GINS3: variants seen among roughly 807,000 people sequenced by gnomAD.
The protein encoded by GINS3 is DNA replication complex GINS protein PSF3.
GINS3 carries 18 observed loss-of-function variants against 20.0 expected under a neutral mutation model. That is an observed-to-expected ratio of 0.90 (90% CI 0.62 to 1.33). The LOEUF (loss-of-function observed/expected upper bound fraction) is 1.33. GINS3 is among the 40% of genes most tolerant of loss of function. The pLI is 0.00. For synonymous variants in GINS3, 109 were observed against 107.0 expected (o/e 1.02, Z -0.12); for missense variants, 254 against 273.6 (o/e 0.93, Z 0.51).
chr16:58,404,585 C>G lies in GINS3; in HGVS notation c.507C>G (p.Asp169Glu). The G allele has an allele frequency of 6.2e-7, 1 of 1,614,062 alleles. No homozygotes were observed. Among genetic ancestry groups the G allele is most frequent in the Non-Finnish European group, 8.5e-7 (1 of 1,179,976 alleles). ...EDTSALVARL[D>E]EMERGLFQTG... ...CTTCAGCCCTGGTAGCCAGGCTAGACGAGATGGAGAGGGGCTTATTTCAAA... is the reference window on the plus strand; with the variant it reads ...CTTCAGCCCTGGTAGCCAGGCTAGAGGAGATGGAGAGGGGCTTATTTCAAA... Residue 169 changes from aspartate to glutamate, a missense_variant, in exon 3 of 3, where the codon GAC (aspartate) becomes GAG (glutamate). Transcript: ENST00000318129.
chr16:58,404,884 G>T lies in GINS3; in HGVS notation c.*155G>T. ...ATTATAGGGAACTGGACATGCTGGA[G>T]GATGTGGGTGTCCCTGGCTCTGTGA... On this transcript the variant is annotated 3_prime_UTR_variant, in exon 3 of 3. Coordinates refer to ENST00000318129, the MANE Select transcript of GINS3 (RefSeq NM_022770.4). 1.6e-6 allele frequency: 1 copy of T among 630,096 alleles called. No homozygotes were observed. 39.0% of individuals were successfully genotyped at this position (630,096 alleles called of 1,614,324 possible).
intron 1 of GINS3, chr16:58,395,260 T>G (rs1228018475): frequency 1.6e-5 from 6 of 381,722 alleles, no homozygotes; most frequent in Non-Finnish European, 2.3e-5. Context: ...ATTTTTTTTT[T>G]GTCTAAATTT....
chr16:58,395,291 T>C (rs1965837779), intron 1 of GINS3: 1 of 311,912 alleles, frequency 3.2e-6, no homozygotes, highest in African/African-American at 2.2e-5. Flanking sequence ...TTTTTTCTAT[T>C]TGTACATTTG....
rs1348230171 is a variant in GINS3, at chr16:58,405,143, G to A, written c.*414G>A. The A allele has an allele frequency of 1.7e-5, 3 of 181,124 alleles. No homozygotes were observed. Among genetic ancestry groups the A allele is most frequent in the African/African-American group, 7.1e-5 (3 of 42,306 alleles). 11.2% of individuals were successfully genotyped at this position (181,124 alleles called of 1,614,324 possible). ...CTGGGTCATCGCCTGTTCACAAAATGCTCTCTTGATCTTATTTGCCTCATC... is the reference window on the plus strand; with the variant it reads ...CTGGGTCATCGCCTGTTCACAAAATACTCTCTTGATCTTATTTGCCTCATC... On this transcript the variant is annotated 3_prime_UTR_variant, in exon 3 of 3. Transcript: ENST00000318129.
intron 1 of GINS3, among the ~76,000 whole-genome samples, chr16:58,398,357 C>T (rs780232675): frequency 1.3e-5 from 2 of 152,096 alleles, no homozygotes; most frequent in Non-Finnish European, 2.9e-5. Flanking sequence ...CACCTATAGA[C>T]CCAACACTGG....
intron 1 of GINS3, among the ~76,000 whole-genome samples, chr16:58,395,583 C>A (rs1448387385): frequency 6.6e-6 from 1 of 152,048 alleles, no homozygotes; most frequent in Non-Finnish European, 1.5e-5. Flanking sequence ...ACATCTTGCA[C>A]CACCCTTAAT....
At position 58,405,225 on chromosome 16, in the gene GINS3, T is replaced by C. The variant is rs1399300086; in HGVS notation, c.*496T>C. The C allele has an allele frequency of 1.9e-5, 3 of 153,966 alleles. No homozygotes were observed. Among genetic ancestry groups the C allele is most frequent in the African/African-American group, 4.8e-5 (2 of 41,432 alleles). 9.5% of individuals were successfully genotyped at this position (153,966 alleles called of 1,614,324 possible). A position where few individuals can be genotyped will look rare whatever the true frequency, so the allele number is the denominator to read the frequency against. On this transcript the variant is annotated 3_prime_UTR_variant, in exon 3 of 3. Transcript: ENST00000318129. ...ACCATGCCAGCCTGACTTGGAGATATCTCCTGCTGCCTGCCTGCAGGGAGT... is the reference window on the plus strand; with the variant it reads ...ACCATGCCAGCCTGACTTGGAGATACCTCCTGCTGCCTGCCTGCAGGGAGT...
Position 58,402,953 on chromosome 16 carries a change from G to A in GINS3, c.187-145G>A. 6.3e-6 allele frequency: 4 copies of A among 633,896 alleles called. 1 individual carries two copies. The South Asian group carries it at 7.8e-5, about 12-fold the overall frequency. 39.3% of individuals were successfully genotyped at this position (633,896 alleles called of 1,614,324 possible). ...CAGCCCACACACTTCATTGCTTCGA[G>A]TCACGACCAGGTCTTCTGTGCTTGA... is the stretch of plus-strand genomic sequence containing the variant. On this transcript the variant is annotated intron_variant, in intron 1 of 2. Coordinates refer to ENST00000318129, the MANE Select transcript of GINS3 (RefSeq NM_022770.4).
chr16:58,396,783 C>G (rs1304152102), intron 1 of GINS3, among the ~76,000 whole-genome samples: 2 of 131,536 alleles, frequency 1.5e-5, no homozygotes, highest in East Asian at 4.9e-4. Flanking sequence ...CACCTCCTTC[C>G]CGGACAGGGC....
Position 58,392,864 on chromosome 16 carries a change from C to T in GINS3, c.186+77C>T, listed in dbSNP as rs1596952650. 7 of 1,387,570 alleles carry T rather than the reference C, an allele frequency of 5.0e-6. No individual in the cohort carries two copies. In the East Asian group the frequency reaches 1.8e-4, roughly 35 times the overall value. The allele number at this position is 1,387,570 out of a possible 1,614,324, so 86.0% of individuals were successfully genotyped here. A position where few individuals can be genotyped will look rare whatever the true frequency, so the allele number is the denominator to read the frequency against. On this transcript the variant is annotated intron_variant, in intron 1 of 2. Coordinates refer to ENST00000318129, the MANE Select transcript of GINS3 (RefSeq NM_022770.4). ...GCCCCTCGGCCCTGGGACGCCGCAT[C>T]GGGGCGCGCTGCCCTTTGGGATTTG...
chr16:58,397,248 G>T (rs1321792414), intron 1 of GINS3, among the ~76,000 whole-genome samples: 6 of 151,530 alleles, frequency 4.0e-5, no homozygotes, highest in Middle Eastern at 3.2e-3. Flanking sequence ...ATCCCAGACG[G>T]GGCAGCAGGG....
chr16:58,402,839 A>G, intron 1 of GINS3: 1 of 528,082 alleles, frequency 1.9e-6, no homozygotes, highest in Non-Finnish European at 3.4e-6. Flanking sequence ...TGTTAGTTAG[A>G]AAACTCTCAC....
At chr16:58,399,189 C>T (rs1596959239) in intron 1 of GINS3, among the ~76,000 whole-genome samples, 1 of 151,510 alleles carries the variant, frequency 6.6e-6, no homozygotes, top group Middle Eastern at 3.4e-3. Flanking sequence ...TGGCACATGC[C>T]TATAGTCCCA....
intron 1 of GINS3, among the ~76,000 whole-genome samples, chr16:58,398,078 G>C (rs1350818163): frequency 1.3e-5 from 2 of 151,498 alleles, no homozygotes; most frequent in African/African-American, 4.9e-5. Context: ...TTGTTTTTTA[G>C]GTCATTAATT....
intron 1 of GINS3, among the ~76,000 whole-genome samples, chr16:58,401,499 G>C (rs1434558897): frequency 1.3e-5 from 2 of 152,178 alleles, no homozygotes; most frequent in Non-Finnish European, 2.9e-5. Context: ...TTTACAGAGA[G>C]CTGATGGTTC....
chr16:58,395,190 C>A, intron 1 of GINS3: 1 of 420,816 alleles, frequency 2.4e-6, no homozygotes, highest in South Asian at 7.8e-5. Flanking sequence ...ATCCTCCCAC[C>A]TCAGCCACCT....
rs1965827723 is a variant in GINS3 at position 58,394,842 on chromosome 16, C to G, written c.186+2055C>G. On this transcript the variant is annotated intron_variant, in intron 1 of 2. Transcript: ENST00000318129. ...GGTTTCTCCACCTTTTCATACTGTA[C>G]TCTTTGGATGGAAGTCATTATCACT... Among the ~76,000 whole-genome samples, 4 of 152,082 alleles carry G rather than the reference C, an allele frequency of 2.6e-5. No individual in the cohort carries two copies. In the South Asian group the frequency reaches 8.3e-4, roughly 31 times the overall value.
intron 1 of GINS3, among the ~76,000 whole-genome samples, chr16:58,398,534 T>C (rs1965914116): frequency 6.6e-6 from 1 of 152,054 alleles, no homozygotes; most frequent in Non-Finnish European, 1.5e-5. Context: ...ACTTAAGCCT[T>C]GGAGGGTCAG....
intron 1 of GINS3, chr16:58,395,191 T>G: frequency 2.4e-6 from 1 of 418,992 alleles, no homozygotes; most frequent in Middle Eastern, 3.2e-4. Context: ...TCCTCCCACC[T>G]CAGCCACCTA....
Sources: gnomAD v4.1 joint callset for allele counts (sites outside exome capture counted in the v4.1 genomes callset) on GRCh38, gnomAD v4.1.1 for gene constraint, MANE v1.5 for transcripts, NCBI Gene and HGNC (gene_info 2026-07-23, HGNC 2026-07-21) for gene names.